Variants in PIEZO2 observed in about 807,000 individuals in gnomAD.
PIEZO2 encodes the protein piezo type mechanosensitive ion channel component 2.
Under a neutral mutation model 337.3 loss-of-function variants are expected in PIEZO2, and 172 were observed. The ratio of observed to expected loss-of-function variants is 0.51; its 90% CI spans 0.45 to 0.58. PIEZO2 has a LOEUF of 0.58. PIEZO2 is among the 20% of genes least tolerant of loss of function. PIEZO2 has a pLI of 0.00. For synonymous variants in PIEZO2, 1,251 were observed against 1,228.5 expected (o/e 1.02, Z -0.38); for missense variants, 3,028 against 3,391.3 (o/e 0.89, Z 2.66).
rs2144681310 is a variant in PIEZO2 at position 10,853,333 on chromosome 18, T to C, written c.917+2020A>G. Among the ~76,000 whole-genome samples, 1 of 152,360 alleles carries C rather than the reference T, an allele frequency of 6.6e-6. No individual in the cohort carries two copies. The highest frequency in any genetic ancestry group is 1.5e-5 in the Non-Finnish European group (1 of 68,038). ...GTGCACTTGATCTCAAGTCGCCTGC[T>C]TAGCCCACTTCCAAGTGTACTTCAC... On this transcript the variant is annotated intron_variant, in intron 7 of 55. Transcript: ENST00000674853. This position sits in a 1 kb window ranked among gnomAD's most constrained non-coding sequence, Gnocchi z 4.2.
Position 11,047,028 on chromosome 18 carries a change from A to C in PIEZO2, c.160+19099T>G, listed in dbSNP as rs541740206. ...AATATTCTAGTTTATGCAATTCAGA[A>C]CTACAGTATTAGGTTTTGGTAGCAA... On this transcript the variant is annotated intron_variant, in intron 2 of 55. Transcript: ENST00000674853. The surrounding 1 kb of genome is among the most constrained non-coding windows in gnomAD (Gnocchi z 7.2). Among the ~76,000 whole-genome samples the C allele has an allele frequency of 1.3e-5, 2 of 152,320 alleles. No individual in the cohort carries two copies. Among genetic ancestry groups the C allele is most frequent in the South Asian group, 4.1e-4 (2 of 4,828 alleles).
At chr18:11,043,788 G>A (rs1332635886) in intron 2 of PIEZO2, among the ~76,000 whole-genome samples, 1 of 151,800 alleles carries the variant, frequency 6.6e-6, no homozygotes, top group Non-Finnish European at 1.5e-5. Context: ...TTCTGCCTCA[G>A]CCTCCTGAGT....
chr18:10,805,831 G>T (rs895509944), intron 8 of PIEZO2, among the ~76,000 whole-genome samples: 2 of 152,236 alleles, frequency 1.3e-5, no homozygotes, highest in South Asian at 2.1e-4. Context: ...AGATGGGGGG[G>T]AGGTAGCACA....
At chr18:10,692,667 T>C (rs35162682) in intron 47 of PIEZO2, among the ~76,000 whole-genome samples, 54,788 of 152,066 alleles carry the variant, frequency 0.36, 9,893 homozygotes, top group Non-Finnish European at 0.38. Context: ...CTACATCAGC[T>C]GAATTGGGAC....
rs60432806 is a variant in PIEZO2, at chr18:10,797,080, CAT to C, written c.1527+292_1527+293del. Among the ~76,000 whole-genome samples the C allele has an allele frequency of 0.22, 32,710 of 149,434 alleles. 3,863 individuals carry two copies. The highest frequency in any genetic ancestry group is 0.39 in the East Asian group (1,942 of 5,018). On this transcript the variant is annotated intron_variant, in intron 12 of 55. Coordinates refer to ENST00000674853, the MANE Select transcript of PIEZO2 (RefSeq NM_001378183.1). ...TATCATGTCATATCATACATACCAT[CAT>C]ATCTTATATACCATTATATATGTAC...
chr18:10,971,948 C>G (rs2034253099), intron 3 of PIEZO2, among the ~76,000 whole-genome samples: 1 of 152,068 alleles, frequency 6.6e-6, no homozygotes, highest in Non-Finnish European at 1.5e-5. Context: ...CTTTCCCTAC[C>G]AGTAATACGA....
intron 18 of PIEZO2, among the ~76,000 whole-genome samples, chr18:10,774,544 G>A (rs116575527): frequency 0.025 from 3,758 of 152,218 alleles, 147 homozygotes; most frequent in African/African-American, 0.085. Context: ...ATTGGCAACC[G>A]TGGGAAGACT....
At chr18:10,776,531 G>T (rs552343064) in intron 18 of PIEZO2, among the ~76,000 whole-genome samples, 1 of 152,130 alleles carries the variant, frequency 6.6e-6, no homozygotes, top group Non-Finnish European at 1.5e-5. Flanking sequence ...TGTCATCAGC[G>T]CCTTCTTTAA....
rs2038019307 is a variant in PIEZO2, at chr18:10,759,246, G to A, written c.3757+236C>T. On this transcript the variant is annotated intron_variant, in intron 26 of 55. Coordinates refer to ENST00000674853, the MANE Select transcript of PIEZO2 (RefSeq NM_001378183.1). This position sits in a 1 kb window ranked among gnomAD's most constrained non-coding sequence, Gnocchi z 5.5. ...GTGTGTGTTTGTGTGTGTGTGTTGGGGGAAGTGAAATTATGCAAGTGAATA... is the reference window on the plus strand; with the variant it reads ...GTGTGTGTTTGTGTGTGTGTGTTGGAGGAAGTGAAATTATGCAAGTGAATA... Among the ~76,000 whole-genome samples the A allele has an allele frequency of 6.6e-6, 1 of 150,504 alleles. No homozygotes were observed. The highest frequency in any genetic ancestry group is 2.5e-5 in the African/African-American group (1 of 40,640).
chr18:11,086,266 A>G (rs193241460), intron 1 of PIEZO2, among the ~76,000 whole-genome samples: 65 of 152,300 alleles, frequency 4.3e-4, no homozygotes, highest in Admixed American at 4.2e-3. Flanking sequence ...CATGCCTGTA[A>G]TCCCAGCACT....
In PIEZO2 at chr18:10,726,963, A is replaced by T; in HGVS notation, c.5029+4444T>A. ...GATGTAGGTTGAGGGCTGCAGACAG[A>T]GGCCCTGGACAGAAGCTCCAGATAG... On this transcript the variant is annotated intron_variant, in intron 36 of 55. Coordinates refer to ENST00000674853, the MANE Select transcript of PIEZO2 (RefSeq NM_001378183.1). This position sits in a 1 kb window ranked among gnomAD's most constrained non-coding sequence, Gnocchi z 5.9. 1 of 1,388,204 alleles carries T rather than the reference A, an allele frequency of 7.2e-7. No individual in the cohort carries two copies. The highest frequency in any genetic ancestry group is 9.9e-7 in the Non-Finnish European group (1 of 1,014,396). The allele number at this position is 1,388,204 out of a possible 1,614,324, so 86.0% of individuals were successfully genotyped here. A position where few individuals can be genotyped will look rare whatever the true frequency, so the allele number is the denominator to read the frequency against.
At chr18:10,690,239 G>A (rs1172123774) in intron 48 of PIEZO2, among the ~76,000 whole-genome samples, 1 of 152,166 alleles carries the variant, frequency 6.6e-6, no homozygotes, top group Non-Finnish European at 1.5e-5. Flanking sequence ...AGAGGTTGTA[G>A]GGAGCCAGGG....
At chr18:10,736,516 T>C in intron 34 of PIEZO2, 88 bp downstream of exon 34, 1 of 1,490,044 alleles carries the variant, frequency 6.7e-7, no homozygotes. Context: ...CATATGAATA[T>C]TACAGGAGGT....
chr18:11,126,958 T>C lies in PIEZO2; in HGVS notation c.64+21567A>G. On this transcript the variant is annotated intron_variant, in intron 1 of 55. Transcript: ENST00000674853. The surrounding 1 kb of genome is among the most constrained non-coding windows in gnomAD (Gnocchi z 4.6). ...TAAGGCAATGCACTGAACTGTTGTG[T>C]GCTTACTACAGGCCAGGCCCTACCC... is the stretch of plus-strand genomic sequence containing the variant. 6.6e-6 allele frequency among the ~76,000 whole-genome samples: 1 copy of C among 152,202 alleles called. No homozygotes were observed. Among genetic ancestry groups the C allele is most frequent in the East Asian group, 1.9e-4 (1 of 5,198 alleles).
chr18:10,720,401 GTGTATGTGTATGTGTATGTATATATA>G (rs1418600512), intron 36 of PIEZO2, among the ~76,000 whole-genome samples: 12 of 7,010 alleles, frequency 1.7e-3, no homozygotes, highest in South Asian at 7.0e-3. Context: ...GTGTGTGTGT[GTGTATGTGTATGTGTATGTATATATA>G]TATATATATA....
At chr18:11,005,834 T>C (rs1186379107) in intron 2 of PIEZO2, among the ~76,000 whole-genome samples, 1 of 152,240 alleles carries the variant, frequency 6.6e-6, no homozygotes, top group African/African-American at 2.4e-5. Flanking sequence ...TCAGCCTGCA[T>C]GGCCTTCTGT....
intron 18 of PIEZO2, among the ~76,000 whole-genome samples, chr18:10,779,029 T>C (rs1185721473): frequency 6.6e-6 from 1 of 152,138 alleles, no homozygotes; most frequent in East Asian, 1.9e-4. Flanking sequence ...CTAGCTAGAG[T>C]CTGTTTCTTA....
intron 2 of PIEZO2, among the ~76,000 whole-genome samples, chr18:10,991,165 C>CACACACAG (rs949843466): frequency 2.0e-5 from 3 of 149,248 alleles, no homozygotes; most frequent in African/African-American, 7.5e-5. Flanking sequence ...TACACACACA[C>CACACACAG]ACACACACAC....
intron 13 of PIEZO2, among the ~76,000 whole-genome samples, chr18:10,793,334 A>G (rs2039473899): frequency 6.6e-6 from 1 of 152,196 alleles, no homozygotes; most frequent in Admixed American, 6.5e-5. Context: ...ACTATCTTCT[A>G]TGACAAAACC....
Sources: allele counts gnomAD v4.1 joint callset (sites outside exome capture counted in the v4.1 genomes callset), GRCh38; gene constraint gnomAD v4.1.1; non-coding constraint Gnocchi (gnomAD v3.1); transcripts MANE v1.5; gene names NCBI Gene and HGNC (gene_info 2026-07-23, HGNC 2026-07-21).